The following PHF11 variants were observed in gnomAD, a reference collection of about 807,000 sequenced individuals.
PHF11 encodes BRCA1 C-terminus-associated protein.
A neutral mutation model predicts 40.5 loss-of-function variants in PHF11; 38 were observed. That is an observed-to-expected ratio of 0.94 (90% CI 0.72 to 1.23). The LOEUF is 1.23. Among genes scored for constraint, PHF11 ranks in the 50% most tolerant of loss-of-function variants. PHF11 has a pLI of 0.00. For synonymous variants in PHF11, 127 were observed against 138.2 expected (o/e 0.92, Z 0.57); for missense variants, 369 against 392.4 (o/e 0.94, Z 0.50).
At chr13:49,517,663 AGTGGGGCCCCTTGC>A (rs1959167876) in intron 3 of PHF11, among the ~76,000 whole-genome samples, 7 of 152,290 alleles carry the variant, frequency 4.6e-5, no homozygotes, top group African/African-American at 1.4e-4. Flanking sequence ...AGGGCCCCCT[AGTGGGGCCCCTTGC>A]CTGGAGCTGG....
chr13:49,517,919 G>T, intron 3 of PHF11, 99 bp from the exon 4 acceptor site: 1 of 671,222 alleles, frequency 1.5e-6, no homozygotes, highest in Non-Finnish European at 2.5e-6. Context: ...AGGATAAAAT[G>T]CAGGGCTTCT....
chr13:49,504,018 C>T (rs889151639), intron 1 of PHF11, among the ~76,000 whole-genome samples: 1 of 152,046 alleles, frequency 6.6e-6, no homozygotes, highest in Non-Finnish European at 1.5e-5. Flanking sequence ...GCCACTAGGC[C>T]CAGCCTCCTT....
chr13:49,524,610 G>A (rs1293477065), intron 8 of PHF11, among the ~76,000 whole-genome samples: 2 of 151,916 alleles, frequency 1.3e-5, no homozygotes, highest in African/African-American at 2.4e-5. Flanking sequence ...GAGTAGCTGG[G>A]ATTTCAGGCA....
In PHF11 at chr13:49,526,002, C is replaced by G. The variant is rs1959253653; in HGVS notation, c.770-385C>G. On this transcript the variant is annotated intron_variant, in intron 8 of 9. Transcript: ENST00000378319. ...TGGCCAACATGGCAAAACCCTGTCT[C>G]TACTAAAAATACAAAAATTAGCCGG... The G allele has an allele frequency of 1.5e-5, 5 of 325,282 alleles. No homozygotes were observed. The Admixed American group carries it at 1.8e-4, about 11-fold the overall frequency. 20.1% of individuals were successfully genotyped at this position (325,282 alleles called of 1,614,324 possible). A position where few individuals can be genotyped will look rare whatever the true frequency, so the allele number is the denominator to read the frequency against.
intron 9 of PHF11, among the ~76,000 whole-genome samples, chr13:49,528,103 T>C (rs1959391668): frequency 6.6e-6 from 1 of 152,238 alleles, no homozygotes; most frequent in African/African-American, 2.4e-5. Flanking sequence ...CATTAAAAAT[T>C]GGACACATTT....
chr13:49,502,504 G>C (rs1365360395), intron 1 of PHF11, among the ~76,000 whole-genome samples: 1 of 151,786 alleles, frequency 6.6e-6, no homozygotes, highest in Non-Finnish European at 1.5e-5. Context: ...ACTAACAAAG[G>C]GTTAATACCC....
chr13:49,508,336 ATATATTAC>A (rs956238718), intron 2 of PHF11, among the ~76,000 whole-genome samples: 16 of 122,740 alleles, frequency 1.3e-4, no homozygotes, highest in African/African-American at 5.1e-4. Context: ...TACTATATTC[ATATATTAC>A]TATATTCATA....
At chr13:49,526,079 G>A in intron 8 of PHF11, 1 of 343,994 alleles carries the variant, frequency 2.9e-6, no homozygotes, top group Non-Finnish European at 5.5e-6. Context: ...TGAGACATGA[G>A]AATCGCTTGA....
rs544651430 is a variant in PHF11 at position 49,511,929 on chromosome 13, T to G, written c.217-1130T>G. On this transcript the variant is annotated intron_variant, in intron 2 of 9. Coordinates refer to ENST00000378319, the MANE Select transcript of PHF11 (RefSeq NM_001040443.3). ...TTTTCTTGTTTGGTTATGTTTGTCT[T>G]GGGTAAATAGCTAGAAGTAGAATTA... 2.6e-5 allele frequency among the ~76,000 whole-genome samples: 4 copies of G among 152,332 alleles called. No homozygotes were observed. In the East Asian group the frequency reaches 7.7e-4, roughly 29 times the overall value.
intron 1 of PHF11, among the ~76,000 whole-genome samples, chr13:49,504,720 A>G (rs1594203328): frequency 6.6e-6 from 1 of 152,020 alleles, no homozygotes; most frequent in South Asian, 2.1e-4. Flanking sequence ...GGTGTACCCA[A>G]CAGCTCATTG....
chr13:49,500,464 G>A (rs1958884337), intron 1 of PHF11, among the ~76,000 whole-genome samples: 2 of 152,196 alleles, frequency 1.3e-5, no homozygotes, highest in Admixed American at 1.3e-4. Flanking sequence ...CAGATAGTGA[G>A]AGATGCCTGT....
chr13:49,503,724 TTTTG>T (rs541225677), intron 1 of PHF11, among the ~76,000 whole-genome samples: 24 of 152,200 alleles, frequency 1.6e-4, no homozygotes, highest in Non-Finnish European at 2.9e-4. Flanking sequence ...TTTTTGGGTT[TTTTG>T]TTTGTTTGTT....
At chr13:49,498,064 C>T (rs2139023278) in intron 1 of PHF11, among the ~76,000 whole-genome samples, 1 of 152,288 alleles carries the variant, frequency 6.6e-6, no homozygotes. Flanking sequence ...GAAAACAAAA[C>T]AAAACTTGTT....
intron 1 of PHF11, among the ~76,000 whole-genome samples, chr13:49,496,851 T>TTTTTTTTTA (rs1958820462): frequency 6.9e-6 from 1 of 144,380 alleles, no homozygotes; most frequent in Non-Finnish European, 1.5e-5. Context: ...TTTTTTTTTT[T>TTTTTTTTTA]GAGAGGAGTT....
intron 2 of PHF11, among the ~76,000 whole-genome samples, chr13:49,510,442 C>CT (rs1421536035): frequency 6.6e-6 from 1 of 152,074 alleles, no homozygotes; most frequent in East Asian, 1.9e-4. Flanking sequence ...ATTTTTTCTG[C>CT]TGTGAAACCA....
chr13:49,504,298 A>G (rs2046803485), intron 1 of PHF11, among the ~76,000 whole-genome samples: 1 of 151,892 alleles, frequency 6.6e-6, no homozygotes. Context: ...AAAAAATAAC[A>G]AAAATTAGCC....
chr13:49,499,870 T>A (rs929064882), intron 1 of PHF11, among the ~76,000 whole-genome samples: 1 of 152,192 alleles, frequency 6.6e-6, no homozygotes, highest in Non-Finnish European at 1.5e-5. Flanking sequence ...AATGATAGGA[T>A]TAGTGAATCC....
At chr13:49,507,272 T>A (rs1396446809) in intron 2 of PHF11, among the ~76,000 whole-genome samples, 1 of 152,180 alleles carries the variant, frequency 6.6e-6, no homozygotes, top group Non-Finnish European at 1.5e-5. Flanking sequence ...TGATAGACCT[T>A]CTACCCAGGT....
rs940620557 is a variant in PHF11 at position 49,496,051 on chromosome 13, G to T, written c.50G>T (p.Ser17Ile). ...PRPERVLGAS[S>I]PEARPAQEAL... The stretch of plus-strand genomic sequence containing the variant: ...CCCGAGAGGGTGCTCGGCGCCAGCA[G>T]CCCGGAGGCCCGGCCCGCGCAGGAG... The change falls in exon 1 of 10, where the codon AGC becomes ATC. Residue 17 changes from serine to isoleucine, a missense_variant. By Grantham distance (142) the Ser-to-Ile change is moderately radical. Transcript: ENST00000378319. The T allele has an allele frequency of 1.0e-5, 15 of 1,462,048 alleles. No homozygotes were observed. Among genetic ancestry groups the T allele is most frequent in the Admixed American group, 5.0e-5 (2 of 40,396 alleles). 90.6% of individuals were successfully genotyped at this position (1,462,048 alleles called of 1,614,324 possible).
Sources: allele counts gnomAD v4.1 joint callset (sites outside exome capture counted in the v4.1 genomes callset), GRCh38; gene constraint gnomAD v4.1.1; transcripts MANE v1.5; gene names NCBI Gene and HGNC (gene_info 2026-07-23, HGNC 2026-07-21).